The following FAM216B variants were observed in gnomAD, a reference collection of about 807,000 sequenced individuals.
FAM216B encodes the protein protein FAM216B.
A neutral mutation model predicts 12.9 loss-of-function variants in FAM216B; 11 were observed. The observed-to-expected ratio is 0.86, with a 90% confidence interval of 0.54 to 1.42. FAM216B has a LOEUF of 1.42. Among genes scored for constraint, FAM216B ranks in the 40% most tolerant of loss-of-function variants. The pLI is 0.00. For missense variants in FAM216B, 167 were observed against 162.9 expected (o/e 1.02, Z -0.14); for synonymous variants, 52 against 57.2 (o/e 0.91, Z 0.41).
intron 3 of FAM216B, among the ~76,000 whole-genome samples, chr13:42,787,765 TA>T (rs754746413): frequency 1.3e-5 from 2 of 152,218 alleles, no homozygotes; most frequent in Non-Finnish European, 2.9e-5. Context: ...ATTGATTTAA[TA>T]AAAACAATAA....
rs929910707 is a variant in FAM216B, at chr13:42,786,731, A to G, written c.100-32A>G. The G allele has an allele frequency of 6.2e-6, 10 of 1,611,530 alleles. No individual in the cohort carries two copies. In the African/African-American group the frequency reaches 9.4e-5, roughly 15 times the overall value. ...ATTTGAATGCTGTGGAACTCCACAC[A>G]CTCATCAAAATCACCTGTTCTGTTC... On this transcript the variant is annotated intron_variant, in intron 2 of 3. Transcript: ENST00000313851.
At chr13:42,784,192 T>TC (rs1873978072) in intron 2 of FAM216B, 26 bp downstream of exon 2, 3 of 1,471,222 alleles carry the variant, frequency 2.0e-6, no homozygotes, top group African/African-American at 1.4e-5. Context: ...TTTTTTTTTT[T>TC]TCACAGATAG....
chr13:42,786,590 T>C lies in FAM216B; in HGVS notation c.100-173T>C, dbSNP rs1029862346. Among the ~76,000 whole-genome samples the C allele has an allele frequency of 8.0e-5, 12 of 150,778 alleles. 1 individual carries two copies. Among genetic ancestry groups the C allele is most frequent in the African/African-American group, 2.9e-4 (12 of 40,886 alleles). ...ATTAGCAGAAGACTGTTTAAGCAAA[T>C]GAAGAGAGGAAACTCCCCAGTTGTT... On this transcript the variant is annotated intron_variant, in intron 2 of 3. Transcript: ENST00000313851.
chr13:42,783,935 C>T (rs1042801567), intron 1 of FAM216B, 119 bp from the exon 2 acceptor site: 10 of 575,276 alleles, frequency 1.7e-5, no homozygotes, highest in African/African-American at 1.7e-4. Context: ...TGTTCTTATC[C>T]CTTAGAACAA....
intron 1 of FAM216B, among the ~76,000 whole-genome samples, chr13:42,782,594 GAC>G (rs1248356660): frequency 6.6e-6 from 1 of 152,192 alleles, no homozygotes; most frequent in Non-Finnish European, 1.5e-5. Flanking sequence ...TGCTAACAAA[GAC>G]AAAGGAGTAA....
rs1387289170 is a variant in FAM216B at position 42,787,144 on chromosome 13, A to G, written c.220+261A>G. 2.0e-5 allele frequency among the ~76,000 whole-genome samples: 3 copies of G among 152,224 alleles called. No homozygotes were observed. In the East Asian group the frequency reaches 5.8e-4, roughly 29 times the overall value. On this transcript the variant is annotated intron_variant, in intron 3 of 3. Coordinates refer to ENST00000313851, the MANE Select transcript of FAM216B (RefSeq NM_001318932.2). ...ACTCTCTGAGATTTGTGAGAACTTAATCAAGTAAATCAATGGGTCTGGGCT... is the reference window on the plus strand; with the variant it reads ...ACTCTCTGAGATTTGTGAGAACTTAGTCAAGTAAATCAATGGGTCTGGGCT...
chr13:42,782,053 G>A (rs1873875248), intron 1 of FAM216B, among the ~76,000 whole-genome samples: 2 of 152,188 alleles, frequency 1.3e-5, no homozygotes, highest in South Asian at 4.1e-4. Flanking sequence ...CACATTAAAG[G>A]AAAGCAGTAC....
At chr13:42,783,601 A>G (rs9590712) in intron 1 of FAM216B, among the ~76,000 whole-genome samples, 41,590 of 151,834 alleles carry the variant, frequency 0.27, 5,685 homozygotes, top group African/African-American at 0.33. Flanking sequence ...TTGGGCTTTT[A>G]GATTTGGGAT....
chr13:42,786,721 A>G (rs773921211), intron 2 of FAM216B, 42 bp from the exon 3 acceptor site: 44 of 1,592,694 alleles, frequency 2.8e-5, no homozygotes, highest in Non-Finnish European at 3.7e-5. Flanking sequence ...AATGCTGTGG[A>G]ACTCCACACA....
chr13:42,783,315 C>T (rs58132356), intron 1 of FAM216B, among the ~76,000 whole-genome samples: 7,232 of 152,138 alleles, frequency 0.048, 556 homozygotes, highest in African/African-American at 0.16. Context: ...CTCAAAAAAA[C>T]ATATAAATAA....
Position 42,791,141 on chromosome 13 carries a change from G to A in FAM216B, c.*2351G>A, listed in dbSNP as rs1406425528. Reference sequence around the variant, plus strand: ...GCCAGCAATTCTAAATAATATCAGTGATAAAGTATTCATCCCCCAAAATAT... The same window carrying A: ...GCCAGCAATTCTAAATAATATCAGTAATAAAGTATTCATCCCCCAAAATAT... On this transcript the variant is annotated 3_prime_UTR_variant, in exon 4 of 4. Coordinates refer to ENST00000313851, the MANE Select transcript of FAM216B (RefSeq NM_001318932.2). 1.3e-5 allele frequency: 2 copies of A among 152,134 alleles called. No homozygotes were observed. The highest frequency in any genetic ancestry group is 4.8e-5 in the African/African-American group (2 of 41,442). The allele number at this position is 152,134 out of a possible 1,614,324, so 9.4% of individuals were successfully genotyped here.
At position 42,789,908 on chromosome 13, in the gene FAM216B, A is replaced by G. The variant is rs1874255080; in HGVS notation, c.*1118A>G. On this transcript the variant is annotated 3_prime_UTR_variant, in exon 4 of 4. Coordinates refer to ENST00000313851, the MANE Select transcript of FAM216B (RefSeq NM_001318932.2). ...TGCAATCATGAACATATAAGATATA[A>G]AAATTGTCATGAGATTCTGAACACT... 6.6e-6 allele frequency: 1 copy of G among 152,184 alleles called. No homozygotes were observed. The highest frequency in any genetic ancestry group is 1.5e-5 in the Non-Finnish European group (1 of 68,024). 9.4% of individuals were successfully genotyped at this position (152,184 alleles called of 1,614,324 possible).
intron 2 of FAM216B, among the ~76,000 whole-genome samples, chr13:42,785,116 A>G (rs938964042): frequency 6.6e-6 from 1 of 152,188 alleles, no homozygotes; most frequent in Non-Finnish European, 1.5e-5. Context: ...CTTGTTCTCA[A>G]TCATTTTAAA....
chr13:42,784,616 G>A (rs1424667851), intron 2 of FAM216B, among the ~76,000 whole-genome samples: 5 of 137,728 alleles, frequency 3.6e-5, no homozygotes, highest in African/African-American at 1.4e-4. Context: ...AGGAGATCGA[G>A]ACCATCCTGG....
chr13:42,786,763 G>T lies in FAM216B; in HGVS notation c.100G>T (p.Ala34Ser), dbSNP rs1223505760. Residue 34 changes from alanine (A) to serine (S), a missense_variant and splice_region_variant, in exon 3 of 4, where the codon GCC becomes TCC. Transcript: ENST00000313851. ...PSIYDTSLLK[A>S]LNQGQQRYFY... ...AAAATCACCTGTTCTGTTCCAACAG[G>T]CCCTCAACCAAGGGCAACAGCGCTA... The T allele has an allele frequency of 1.2e-6, 2 of 1,613,650 alleles. No homozygotes were observed. The highest frequency in any genetic ancestry group is 1.7e-6 in the Non-Finnish European group (2 of 1,179,872).
At chr13:42,782,090 A>G (rs982400614) in intron 1 of FAM216B, among the ~76,000 whole-genome samples, 3 of 152,248 alleles carry the variant, frequency 2.0e-5, no homozygotes, top group African/African-American at 7.2e-5. Context: ...AGTTTAATTT[A>G]GACATTTATA....
At chr13:42,785,681 C>T (rs1874058420) in intron 2 of FAM216B, among the ~76,000 whole-genome samples, 1 of 152,186 alleles carries the variant, frequency 6.6e-6, no homozygotes. Context: ...AATCCTGACA[C>T]TTCTTGTTTC....
rs762593334 is a variant in FAM216B at position 42,786,753 on chromosome 13, G to A, written c.100-10G>A. On this transcript the variant is annotated splice_polypyrimidine_tract_variant and intron_variant, in intron 2 of 3. Transcript: ENST00000313851. ...CACACTCATCAAAATCACCTGTTCT[G>A]TTCCAACAGGCCCTCAACCAAGGGC... The A allele has an allele frequency of 6.2e-6, 10 of 1,613,494 alleles. No individual in the cohort carries two copies. The East Asian group carries it at 1.1e-4, about 18-fold the overall frequency.
At chr13:42,783,709 A>T (rs1873948021) in intron 1 of FAM216B, among the ~76,000 whole-genome samples, 1 of 152,114 alleles carries the variant, frequency 6.6e-6, no homozygotes, top group South Asian at 2.1e-4. Flanking sequence ...CAGATATGAA[A>T]ATCAATATTA....
Sources: allele counts gnomAD v4.1 joint callset (sites outside exome capture counted in the v4.1 genomes callset), GRCh38; gene constraint gnomAD v4.1.1; transcripts MANE v1.5; gene names NCBI Gene and HGNC (gene_info 2026-07-23, HGNC 2026-07-21).